The following ST3GAL1 variants were observed in gnomAD, a reference collection of about 807,000 sequenced individuals.
The protein encoded by ST3GAL1 is CMP-N-acetylneuraminate-beta-galactosamide-alpha-2,3-sialyltransferase 1.
A neutral mutation model predicts 34.1 loss-of-function variants in ST3GAL1; 16 were observed. The ratio of observed to expected loss-of-function variants is 0.47; its 90% CI spans 0.32 to 0.71. The LOEUF is 0.71. Among genes scored for constraint, ST3GAL1 ranks in the 30% least tolerant of loss-of-function variants. The probability of loss-of-function intolerance (pLI) is 0.04; values close to 1 mark genes in which losing one functional copy is unlikely to be tolerated. For synonymous variants in ST3GAL1, 191 were observed against 184.7 expected (o/e 1.03, Z -0.28); for missense variants, 353 against 447.4 (o/e 0.79, Z 1.90).
chr8:133,497,542 C>A (rs1009775255), intron 3 of ST3GAL1, among the ~76,000 whole-genome samples: 1 of 131,666 alleles, frequency 7.6e-6, no homozygotes, highest in Non-Finnish European at 1.5e-5. Context: ...GCAATCTCGG[C>A]TAACTGCAAC....
chr8:133,548,255 AG>A (rs1818726393), intron 1 of ST3GAL1, among the ~76,000 whole-genome samples: 1 of 152,208 alleles, frequency 6.6e-6, no homozygotes, highest in Admixed American at 6.5e-5. Flanking sequence ...GGCAGCAGCC[AG>A]GGGGATCCTT....
chr8:133,551,158 G>A (rs78106120), intron 1 of ST3GAL1, among the ~76,000 whole-genome samples: 2,229 of 152,212 alleles, frequency 0.015, 32 homozygotes, highest in Middle Eastern at 0.041. Context: ...AGGGGACACT[G>A]GTCAAGTCAA....
At chr8:133,479,259 C>G (rs1043788323) in intron 3 of ST3GAL1, among the ~76,000 whole-genome samples, 1 of 151,808 alleles carries the variant, frequency 6.6e-6, no homozygotes, top group Non-Finnish European at 1.5e-5. Context: ...TCCCAGGCAT[C>G]AATAGGGCCC....
intron 7 of ST3GAL1, 144 bp downstream of exon 7, chr8:133,464,634 C>A (rs756839863): frequency 4.8e-4 from 400 of 828,080 alleles, no homozygotes; most frequent in Non-Finnish European, 5.7e-4. Context: ...GAGGCGGCCA[C>A]GGGAACTGGG....
At chr8:133,490,792 A>C (rs1266606592) in intron 3 of ST3GAL1, among the ~76,000 whole-genome samples, 3 of 152,206 alleles carry the variant, frequency 2.0e-5, no homozygotes, top group African/African-American at 7.2e-5. Context: ...TGTGAGCAGC[A>C]GACAGTAGTG....
intron 5 of ST3GAL1, among the ~76,000 whole-genome samples, chr8:133,472,019 T>A: frequency 6.6e-6 from 1 of 151,964 alleles, no homozygotes; most frequent in East Asian, 1.9e-4. Context: ...GAATTGGACA[T>A]GGGGACTGGG....
At chr8:133,538,479 C>A (rs950425068) in intron 2 of ST3GAL1, among the ~76,000 whole-genome samples, 1 of 152,204 alleles carries the variant, frequency 6.6e-6, no homozygotes, top group Admixed American at 6.5e-5. Flanking sequence ...TGCACCATTG[C>A]TCTCCAGCCT....
chr8:133,527,063 G>A (rs1201354085), intron 2 of ST3GAL1, among the ~76,000 whole-genome samples: 1 of 152,144 alleles, frequency 6.6e-6, no homozygotes, highest in East Asian at 1.9e-4. Flanking sequence ...TGAAGGCCCA[G>A]GGCACCCATC....
At chr8:133,487,156 G>C (rs1350884316) in intron 3 of ST3GAL1, among the ~76,000 whole-genome samples, 1 of 152,108 alleles carries the variant, frequency 6.6e-6, no homozygotes, top group Non-Finnish European at 1.5e-5. Context: ...GGCCAGGCTG[G>C]TCTCGAACTC....
chr8:133,552,931 C>T (rs1207079624), intron 1 of ST3GAL1, among the ~76,000 whole-genome samples: 2 of 152,176 alleles, frequency 1.3e-5, no homozygotes, highest in Admixed American at 6.5e-5. Flanking sequence ...TAGTTTTACT[C>T]CCATTTCACA....
intron 5 of ST3GAL1, among the ~76,000 whole-genome samples, chr8:133,473,535 T>G (rs952184464): frequency 1.3e-5 from 2 of 152,162 alleles, no homozygotes; most frequent in Non-Finnish European, 2.9e-5. Flanking sequence ...AAGAGGAAGT[T>G]TGGACTTAAC....
At chr8:133,492,156 G>A (rs534961909) in intron 3 of ST3GAL1, among the ~76,000 whole-genome samples, 1 of 152,090 alleles carries the variant, frequency 6.6e-6, no homozygotes, top group South Asian at 2.1e-4. Context: ...AAGCAGGTGG[G>A]AGAACAGAGG....
chr8:133,454,865 T>C lies in ST3GAL1; in HGVS notation c.*4899A>G, dbSNP rs1199680190. 2 of 152,328 alleles carry C rather than the reference T, an allele frequency of 1.3e-5. No individual in the cohort carries two copies. Among genetic ancestry groups the C allele is most frequent in the Non-Finnish European group, 2.9e-5 (2 of 68,030 alleles). 9.4% of individuals were successfully genotyped at this position (152,328 alleles called of 1,614,324 possible). On this transcript the variant is annotated 3_prime_UTR_variant, in exon 10 of 10. Transcript: ENST00000522652. Reference sequence around the variant, plus strand: ...CACACCCAAACAATAAAATAGCTCTTTGTTTATTCACTTTGATTTGGATCA... The same window carrying C: ...CACACCCAAACAATAAAATAGCTCTCTGTTTATTCACTTTGATTTGGATCA...
Position 133,476,312 on chromosome 8 carries a change from A to G in ST3GAL1, c.-85T>C, listed in dbSNP as rs775518948. On this transcript the variant is annotated 5_prime_UTR_variant, in exon 4 of 10. Transcript: ENST00000522652. Reference sequence around the variant, plus strand: ...AAATAAAGTAGCCTATTCTTCTGCAATCCTTAAAGAGCTGATAATGTCTCT... The same window carrying G: ...AAATAAAGTAGCCTATTCTTCTGCAGTCCTTAAAGAGCTGATAATGTCTCT... 8 of 309,506 alleles carry G rather than the reference A, an allele frequency of 2.6e-5. No individual in the cohort carries two copies. The highest frequency in any genetic ancestry group is 4.8e-5 in the Non-Finnish European group (8 of 166,604). 19.2% of individuals were successfully genotyped at this position (309,506 alleles called of 1,614,324 possible). A position where few individuals can be genotyped will look rare whatever the true frequency, so the allele number is the denominator to read the frequency against.
intron 1 of ST3GAL1, among the ~76,000 whole-genome samples, chr8:133,562,850 CT>C (rs11374505): frequency 0.28 from 29,263 of 106,058 alleles, 4,465 homozygotes; most frequent in Non-Finnish European, 0.32. Flanking sequence ...TCCTTTCTTT[CT>C]TTTTTTTTTT....
chr8:133,558,324 T>A (rs1819117437), intron 1 of ST3GAL1, among the ~76,000 whole-genome samples: 1 of 152,098 alleles, frequency 6.6e-6, no homozygotes, highest in Non-Finnish European at 1.5e-5. Flanking sequence ...ATTTATTACC[T>A]CCTGGGAGGT....
At chr8:133,471,606 G>A (rs920200229) in intron 5 of ST3GAL1, among the ~76,000 whole-genome samples, 6 of 152,180 alleles carry the variant, frequency 3.9e-5, no homozygotes, top group Non-Finnish European at 7.3e-5. Flanking sequence ...TGAATATCCT[G>A]GGCCTGACTC....
At chr8:133,544,821 G>C (rs942474800) in intron 2 of ST3GAL1, among the ~76,000 whole-genome samples, 1 of 152,240 alleles carries the variant, frequency 6.6e-6, no homozygotes, top group Non-Finnish European at 1.5e-5. Context: ...GAGGGAGAGA[G>C]TGAGACAGTG....
chr8:133,516,273 T>C (rs963412477), intron 2 of ST3GAL1: 1 of 152,220 alleles, frequency 6.6e-6, no homozygotes, highest in Non-Finnish European at 1.5e-5. Flanking sequence ...TCTCCCTCCA[T>C]GGGGCATGCC....
Sources: gnomAD v4.1 joint callset for allele counts (sites outside exome capture counted in the v4.1 genomes callset) on GRCh38, gnomAD v4.1.1 for gene constraint, MANE v1.5 for transcripts, NCBI Gene and HGNC (gene_info 2026-07-23, HGNC 2026-07-21) for gene names.